ADGRL3: variants seen among roughly 807,000 people sequenced by gnomAD.
The protein encoded by ADGRL3 is adhesion G protein-coupled receptor L3.
ADGRL3 carries 62 observed loss-of-function variants against 153.5 expected under a neutral mutation model. That is an observed-to-expected ratio of 0.40 (90% CI 0.33 to 0.50). The LOEUF is 0.50. Ranked by LOEUF, ADGRL3 falls within the 20% of genes least tolerant of loss-of-function variation. ADGRL3 has a pLI of 0.47. For synonymous variants in ADGRL3, 710 were observed against 672.5 expected (o/e 1.06, Z -0.86); for missense variants, 1,641 against 1,859.4 (o/e 0.88, Z 2.16).
chr4:61,298,722 A>T (rs993546649), intron 1 of ADGRL3, among the ~76,000 whole-genome samples: 35 of 152,306 alleles, frequency 2.3e-4, no homozygotes, highest in African/African-American at 7.2e-4. Flanking sequence ...GTAGTTAAAA[A>T]ATTAATTACT....
At chr4:61,661,276 A>G (rs1444777204) in intron 5 of ADGRL3, among the ~76,000 whole-genome samples, 1 of 152,122 alleles carries the variant, frequency 6.6e-6, no homozygotes, top group African/African-American at 2.4e-5. Flanking sequence ...TTTAATATGC[A>G]TACAATCTGT....
chr4:61,889,783 G>A (rs544984608), intron 9 of ADGRL3, among the ~76,000 whole-genome samples: 8 of 152,254 alleles, frequency 5.3e-5, no homozygotes, highest in African/African-American at 1.9e-4. Flanking sequence ...ATGGCCCGCT[G>A]TGCATGATTT....
intron 6 of ADGRL3, among the ~76,000 whole-genome samples, chr4:61,724,987 G>T (rs1027995453): frequency 2.0e-5 from 3 of 151,952 alleles, no homozygotes; most frequent in Non-Finnish European, 4.4e-5. Context: ...GAGTTGCTTT[G>T]TAACACTAGT....
At chr4:61,771,520 GAC>G (rs1390653348) in intron 8 of ADGRL3, among the ~76,000 whole-genome samples, 2 of 152,174 alleles carry the variant, frequency 1.3e-5, no homozygotes, top group Non-Finnish European at 2.9e-5. Flanking sequence ...AAATTTTCCT[GAC>G]ACAATTGAAT....
At chr4:61,726,246 T>C (rs1315101187) in intron 6 of ADGRL3, among the ~76,000 whole-genome samples, 1 of 124,442 alleles carries the variant, frequency 8.0e-6, no homozygotes, top group East Asian at 2.5e-4. Flanking sequence ...TCGCCCAGGT[T>C]GGAGTGCAGT....
intron 4 of ADGRL3, among the ~76,000 whole-genome samples, chr4:61,584,247 T>C (rs1453098300): frequency 2.0e-5 from 3 of 151,996 alleles, no homozygotes; most frequent in African/African-American, 7.2e-5. Context: ...GTGCAGTTTG[T>C]CACTGGGTTA....
At chr4:61,326,591 G>A (rs1353948586) in intron 1 of ADGRL3, among the ~76,000 whole-genome samples, 12 of 145,678 alleles carry the variant, frequency 8.2e-5, no homozygotes, top group Non-Finnish European at 1.6e-4. Flanking sequence ...AGCCAGTTAT[G>A]CCAGATAATG....
At chr4:61,953,561 A>G (rs2098955326) in intron 17 of ADGRL3, among the ~76,000 whole-genome samples, 1 of 152,184 alleles carries the variant, frequency 6.6e-6, no homozygotes, top group Admixed American at 6.5e-5. Flanking sequence ...TAATTGTCAG[A>G]TGTATCACTG....
intron 5 of ADGRL3, among the ~76,000 whole-genome samples, chr4:61,656,891 TTC>T (rs1173818848): frequency 2.6e-5 from 4 of 152,294 alleles, no homozygotes; most frequent in South Asian, 2.1e-4. Flanking sequence ...TGTTGCTATT[TTC>T]TCTCTCTGTT....
chr4:61,752,726 A>G (rs1242613056), intron 8 of ADGRL3, among the ~76,000 whole-genome samples: 1 of 152,144 alleles, frequency 6.6e-6, no homozygotes, highest in Non-Finnish European at 1.5e-5. Flanking sequence ...TGAGCCCAGG[A>G]GTTCAAGTCC....
At chr4:61,736,414 G>A (rs903406240) in intron 8 of ADGRL3, among the ~76,000 whole-genome samples, 20 of 152,168 alleles carry the variant, frequency 1.3e-4, no homozygotes, top group Admixed American at 1.1e-3. Flanking sequence ...AGCACTTTGG[G>A]AGGGCAAGGC....
At position 61,983,576 on chromosome 4, in the gene ADGRL3, A is replaced by G; in HGVS notation, c.3209A>G (p.Asp1070Gly). 2 of 1,613,796 alleles carry G rather than the reference A, an allele frequency of 1.2e-6. No homozygotes were observed. The highest frequency in any genetic ancestry group is 1.7e-6 in the Non-Finnish European group (2 of 1,179,766). The part of the protein sequence containing the change: ...ALIVAVSAAV[D>G]YRSYGTDKVC... ...ATTGTGGCTGTGTCAGCTGCAGTAG[A>G]CTACAGGAGTTATGGAACAGATAAA... The change falls in exon 19 of 27, where the codon GAC becomes GGC. Residue 1070 changes from aspartate (D) to glycine (G), a missense_variant. Coordinates refer to ENST00000683033, the MANE Select transcript of ADGRL3 (RefSeq NM_001387552.1).
chr4:61,401,973 G>GCT (rs1041214804), intron 2 of ADGRL3, among the ~76,000 whole-genome samples: 34 of 152,176 alleles, frequency 2.2e-4, no homozygotes, highest in African/African-American at 7.9e-4. Context: ...TTTCCTAACT[G>GCT]CTCAGCTTCC....
intron 2 of ADGRL3, among the ~76,000 whole-genome samples, chr4:61,456,119 T>G (rs2097733161): frequency 1.3e-5 from 2 of 151,954 alleles, no homozygotes; most frequent in African/African-American, 4.8e-5. Context: ...TACATTATTT[T>G]AAGAAATACA....
chr4:61,883,293 G>A (rs1280199961), intron 9 of ADGRL3, among the ~76,000 whole-genome samples: 1 of 151,998 alleles, frequency 6.6e-6, no homozygotes, highest in Admixed American at 6.6e-5. Flanking sequence ...CTCTATAAGG[G>A]CAGAGATTGT....
At chr4:61,513,348 A>G (rs1460260222) in intron 3 of ADGRL3, among the ~76,000 whole-genome samples, 1 of 152,202 alleles carries the variant, frequency 6.6e-6, no homozygotes, top group South Asian at 2.1e-4. Flanking sequence ...TACCAATTAT[A>G]TCTTCCACAG....
intron 25 of ADGRL3, among the ~76,000 whole-genome samples, chr4:62,060,731 T>G (rs2151855264): frequency 6.6e-6 from 1 of 152,006 alleles, no homozygotes; most frequent in Admixed American, 6.6e-5. Flanking sequence ...TTCATTTTTT[T>G]GTCCAAAAGG....
chr4:61,497,081 T>G, intron 2 of ADGRL3, 40 bp from the exon 3 acceptor site: 1 of 526,316 alleles, frequency 1.9e-6, no homozygotes, highest in Non-Finnish European at 3.3e-6. Context: ...GATTACTTAC[T>G]TATTTTATAC....
intron 21 of ADGRL3, among the ~76,000 whole-genome samples, chr4:62,017,119 G>T (rs554191061): frequency 6.6e-6 from 1 of 152,116 alleles, no homozygotes; most frequent in African/African-American, 2.4e-5. Flanking sequence ...TGGAGATGAT[G>T]ATATCATACT....
Sources: gnomAD v4.1 joint callset for allele counts (sites outside exome capture counted in the v4.1 genomes callset) on GRCh38, gnomAD v4.1.1 for gene constraint, MANE v1.5 for transcripts, NCBI Gene and HGNC (gene_info 2026-07-23, HGNC 2026-07-21) for gene names.